The following BTK variants were observed in gnomAD, a reference collection of about 807,000 sequenced individuals.
BTK encodes the protein Bruton tyrosine kinase, also known as tyrosine-protein kinase BTK.
BTK carries 5 observed loss-of-function variants against 57.4 expected under a neutral mutation model. The ratio of observed to expected loss-of-function variants is 0.09; its 90% CI spans 0.05 to 0.18. The LOEUF (loss-of-function observed/expected upper bound fraction) is 0.18, where lower values mean the gene tolerates loss of function less well. Among genes scored for constraint, BTK ranks in the 10% least tolerant of loss-of-function variants. The pLI is 1.00. For synonymous variants in BTK, 154 were observed against 174.3 expected (o/e 0.88, Z 0.92); for missense variants, 194 against 501.2 (o/e 0.39, Z 5.85).
At chrX:101,379,194 A>T (rs1323609826) in intron 1 of BTK, among the ~76,000 whole-genome samples, 2 of 107,760 alleles carry the variant, frequency 1.9e-5, no homozygotes, top group South Asian at 8.0e-4. Context: ...AAAAAAAAAG[A>T]AGAAGAATAC....
intron 8 of BTK, 147 bp downstream of exon 8, chrX:101,360,421 G>A: frequency 1.6e-6 from 1 of 643,503 alleles, no homozygotes; most frequent in Non-Finnish European, 2.4e-6. Flanking sequence ...TGCACGCTGG[G>A]AAGTACTTGG....
At chrX:101,378,560 CA>C (rs1927300444) in intron 1 of BTK, among the ~76,000 whole-genome samples, 2 of 110,097 alleles carry the variant, frequency 1.8e-5, no homozygotes, top group African/African-American at 6.6e-5. Flanking sequence ...CACACACACA[CA>C]CACCACTGTT....
At chrX:101,358,188 G>C in intron 12 of BTK, 122 bp downstream of exon 12, 8 of 1,060,611 alleles carry the variant, frequency 7.5e-6, no homozygotes, top group Non-Finnish European at 1.0e-5. Context: ...CAGTATCACA[G>C]GGATTTCCTT....
At chrX:101,351,592 T>A (rs980079444) in intron 18 of BTK, among the ~76,000 whole-genome samples, 33 of 111,630 alleles carry the variant, frequency 3.0e-4, no homozygotes, top group African/African-American at 1.0e-3. Flanking sequence ...CAGATTCACA[T>A]ATGCACTTGT....
In BTK at chrX:101,360,668, T is replaced by C; in HGVS notation, c.676A>G (p.Met226Val). 1 of 1,211,475 alleles carries C rather than the reference T, an allele frequency of 8.3e-7. No homozygotes were observed. The highest frequency in any genetic ancestry group is 1.1e-6 in the Non-Finnish European group (1 of 895,380). The change falls in exon 8 of 19, where the codon ATG (methionine) becomes GTG (valine). Residue 226 changes from methionine to valine, a missense_variant. By Grantham distance (21) the Met-to-Val change is conservative. This residue lies in a region of BTK where 115 missense variants were observed against 258.3 expected (regional missense o/e 0.45). Coordinates refer to ENST00000308731, the MANE Select transcript of BTK (RefSeq NM_000061.3). Reference sequence around the variant, plus strand: ...TGTAGATCATTTGCATTCATTGGCATGTAATCATAAAGGGCCACAACCTTT... The same window carrying C: ...TGTAGATCATTTGCATTCATTGGCACGTAATCATAAAGGGCCACAACCTTT... ...LKKVVALYDY[M>V]PMNANDLQLR...
intron 5 of BTK, among the ~76,000 whole-genome samples, chrX:101,364,365 C>T (rs1315287351): frequency 6.9e-5 from 7 of 101,480 alleles, no homozygotes; most frequent in African/African-American, 2.6e-4. Context: ...ACTGGGATGG[C>T]GCCATTGTGC....
At chrX:101,384,899 T>C (rs2238983) in intron 1 of BTK, among the ~76,000 whole-genome samples, 10,758 of 111,535 alleles carry the variant, frequency 0.096, 441 homozygotes, top group African/African-American at 0.15. Flanking sequence ...CAATCACTTT[T>C]ATTCTAAATG....
intron 9 of BTK, 76 bp downstream of exon 9, chrX:101,360,012 A>G (rs1377129319): frequency 7.6e-6 from 2 of 262,055 alleles, no homozygotes; most frequent in Non-Finnish European, 1.2e-5. Flanking sequence ...AAATATATAT[A>G]AATAAATAAA....
chrX:101,373,250 G>A (rs782614399), intron 3 of BTK, among the ~76,000 whole-genome samples: 48 of 111,003 alleles, frequency 4.3e-4, no homozygotes, highest in Non-Finnish European at 8.7e-4. Context: ...TTCTTAAAGA[G>A]AAGAACAAAA....
chrX:101,382,842 A>G (rs912179613), intron 1 of BTK, among the ~76,000 whole-genome samples: 40 of 110,752 alleles, frequency 3.6e-4, no homozygotes, highest in African/African-American at 1.2e-3. Flanking sequence ...TGGCTTAAAC[A>G]TTTTATTTAT....
chrX:101,354,452 A>G (rs1926397868), intron 16 of BTK, among the ~76,000 whole-genome samples, 178 bp downstream of exon 16: 1 of 111,920 alleles, frequency 8.9e-6, no homozygotes, highest in Non-Finnish European at 1.9e-5. Context: ...ACAATAAAAC[A>G]AAAGGATGAA....
intron 1 of BTK, among the ~76,000 whole-genome samples, chrX:101,385,541 G>A (rs1325915801): frequency 2.7e-5 from 3 of 112,418 alleles, no homozygotes; most frequent in Non-Finnish European, 5.6e-5. Flanking sequence ...ACAGCTCAAG[G>A]CAGGTAGCCT....
chrX:101,375,977 T>C (rs868982953), intron 1 of BTK, among the ~76,000 whole-genome samples: 1 of 103,411 alleles, frequency 9.7e-6, no homozygotes, highest in Non-Finnish European at 2.0e-5. Context: ...TGGGTTTTGG[T>C]GGGGGGGGGG....
In BTK at chrX:101,373,915, C is replaced by T. The variant is rs1014240066; in HGVS notation, c.240+621G>A. The stretch of plus-strand genomic sequence containing the variant: ...GAAAAATTAGCCAGGCATGGTGGTG[C>T]ACACCTGTAATCCCAGCTACTTGGG... On this transcript the variant is annotated intron_variant, in intron 3 of 18. Coordinates refer to ENST00000308731, the MANE Select transcript of BTK (RefSeq NM_000061.3). Among the ~76,000 whole-genome samples the T allele has an allele frequency of 5.4e-5, 6 of 110,312 alleles. No individual in the cohort carries two copies. The Admixed American group carries it at 5.9e-4, about 11-fold the overall frequency.
At position 101,384,427 on chromosome X, in the gene BTK, G is replaced by A. The variant is rs561624491; in HGVS notation, c.-31+1635C>T. ...AGCCTGACCAACATGGAGAAACCCC[G>A]TCTCTACTAGAAATACAAAATTAGC... On this transcript the variant is annotated intron_variant, in intron 1 of 18. Transcript: ENST00000308731. 2.2e-3 allele frequency among the ~76,000 whole-genome samples: 248 copies of A among 111,277 alleles called. 2 individuals carry two copies. Among genetic ancestry groups the A allele is most frequent in the Middle Eastern group, 9.2e-3 (2 of 217 alleles).
intron 4 of BTK, 22 bp from the exon 5 acceptor site, chrX:101,370,101 C>T: frequency 8.7e-7 from 1 of 1,144,687 alleles, no homozygotes; most frequent in South Asian, 1.8e-5. Flanking sequence ...AAAACACAGA[C>T]TTCAGCAGTT....
At chrX:101,373,125 G>A in intron 3 of BTK, among the ~76,000 whole-genome samples, 1 of 109,844 alleles carries the variant, frequency 9.1e-6, no homozygotes, top group African/African-American at 3.3e-5. Context: ...ATCTAGTGTT[G>A]GAAAAAATGT....
At chrX:101,353,817 A>G in intron 17 of BTK, 53 bp downstream of exon 17, 1 of 985,386 alleles carries the variant, frequency 1.0e-6, no homozygotes, top group Non-Finnish European at 1.5e-6. Context: ...GAATTTTCCC[A>G]TTGCATTTCT....
chrX:101,356,816 T>C lies in BTK; in HGVS notation c.1317A>G (p.Glu439=), dbSNP rs1555977907. ...IKMIKEGSMS[E]DEFIEEAKVM... Reference sequence around the variant, plus strand: ...CTTTGGCTTCTTCAATGAATTCATCTTCAGACATGGAGCCTTCTTTGATCA... The same window carrying C: ...CTTTGGCTTCTTCAATGAATTCATCCTCAGACATGGAGCCTTCTTTGATCA... Residue 439 remains glutamate (E), a synonymous_variant, in exon 14 of 19, where the codon GAA becomes GAG. Coordinates refer to ENST00000308731, the MANE Select transcript of BTK (RefSeq NM_000061.3). 6 of 1,211,942 alleles carry C rather than the reference T, an allele frequency of 5.0e-6. No homozygotes were observed. Among genetic ancestry groups the C allele is most frequent in the South Asian group, 3.5e-5 (2 of 57,009 alleles).
Sources: allele counts gnomAD v4.1 joint callset (sites outside exome capture counted in the v4.1 genomes callset), GRCh38; gene constraint gnomAD v4.1.1; regional missense constraint gnomAD v4.1.1; transcripts MANE v1.5; gene names NCBI Gene and HGNC (gene_info 2026-07-23, HGNC 2026-07-21).